ANTXR2: variants seen among roughly 807,000 people sequenced by gnomAD.
ANTXR2 encodes the protein ANTXR cell adhesion molecule 2.
Under a neutral mutation model 73.7 loss-of-function variants are expected in ANTXR2, and 44 were observed. That is an observed-to-expected ratio of 0.60 (90% CI 0.47 to 0.77). ANTXR2 has a LOEUF of 0.77. ANTXR2 is among the 30% of genes least tolerant of loss of function. The probability of loss-of-function intolerance (pLI) is 0.00; values close to 1 mark genes in which losing one functional copy is unlikely to be tolerated. For synonymous variants in ANTXR2, 217 were observed against 205.9 expected, an observed-to-expected ratio of 1.05 and a Z score of -0.46; for missense variants, 604 against 592.5, an observed-to-expected ratio of 1.02 and a Z score of -0.20.
chr4:80,066,911 CT>C (rs1734523816), intron 3 of ANTXR2, among the ~76,000 whole-genome samples: 1 of 152,174 alleles, frequency 6.6e-6, no homozygotes, highest in Non-Finnish European at 1.5e-5. Context: ...AGAAAGGCCT[CT>C]TCTGGTGAGG....
Position 79,903,566 on chromosome 4 carries a change from A to C in ANTXR2, c.*3863T>G, listed in dbSNP as rs1395998157. The C allele has an allele frequency of 6.6e-6, 1 of 152,144 alleles. No individual in the cohort carries two copies. The highest frequency in any genetic ancestry group is 1.5e-5 in the Non-Finnish European group (1 of 68,024). 9.4% of individuals were successfully genotyped at this position (152,144 alleles called of 1,614,324 possible). A position where few individuals can be genotyped will look rare whatever the true frequency, so the allele number is the denominator to read the frequency against. ...ATTATGGATTTTCAAAAACAACAAC[A>C]AAAAAGTCTTTCTTTTATCCGATCG... On this transcript the variant is annotated 3_prime_UTR_variant, in exon 17 of 17. Coordinates refer to ENST00000403729, the MANE Select transcript of ANTXR2 (RefSeq NM_058172.6).
chr4:80,041,507 G>T (rs1286510557), intron 7 of ANTXR2, among the ~76,000 whole-genome samples: 2 of 151,788 alleles, frequency 1.3e-5, no homozygotes, highest in Non-Finnish European at 2.9e-5. Context: ...AGGATGTTCA[G>T]ATTTGTTACA....
At chr4:80,046,621 T>C (rs1278519679) in intron 7 of ANTXR2, among the ~76,000 whole-genome samples, 1 of 151,828 alleles carries the variant, frequency 6.6e-6, no homozygotes, top group African/African-American at 2.4e-5. Context: ...CAAGCAGTCT[T>C]AGTCTATATT....
At position 80,007,389 on chromosome 4, in the gene ANTXR2, TA is replaced by T. The variant is rs1398979306; in HGVS notation, c.1041+1131del. ...GGCATGATTTGGAAGAGGGCTTCCT[TA>T]AGATAATTTTTTTTCTATGAAACCT... On this transcript the variant is annotated intron_variant, in intron 12 of 16. Coordinates refer to ENST00000403729, the MANE Select transcript of ANTXR2 (RefSeq NM_058172.6). 3.9e-5 allele frequency among the ~76,000 whole-genome samples: 6 copies of T among 152,276 alleles called. No individual in the cohort carries two copies. The East Asian group carries it at 1.2e-3, about 29-fold the overall frequency.
chr4:80,024,402 T>C (rs1561007149), intron 10 of ANTXR2, among the ~76,000 whole-genome samples: 1 of 152,120 alleles, frequency 6.6e-6, no homozygotes, highest in Non-Finnish European at 1.5e-5. Context: ...TTGGAGCTCA[T>C]CAGGAAGAAA....
intron 11 of ANTXR2, among the ~76,000 whole-genome samples, chr4:80,011,756 G>A (rs1179078880): frequency 1.3e-5 from 2 of 152,158 alleles, no homozygotes; most frequent in African/African-American, 4.8e-5. Context: ...AAATGAAACT[G>A]TTTTTCTTTC....
intron 12 of ANTXR2, among the ~76,000 whole-genome samples, chr4:79,994,051 C>G (rs779750138): frequency 5.3e-5 from 8 of 151,924 alleles, no homozygotes; most frequent in Admixed American, 1.3e-4. Context: ...AAAGGAGATG[C>G]ATCTCCATCT....
chr4:80,010,858 T>G (rs1276209746), intron 11 of ANTXR2, among the ~76,000 whole-genome samples: 1 of 152,000 alleles, frequency 6.6e-6, no homozygotes, highest in East Asian at 1.9e-4. Flanking sequence ...CTTAAAAAAA[T>G]TAAAAATGGC....
At chr4:80,021,680 T>C (rs1732171341) in intron 10 of ANTXR2, among the ~76,000 whole-genome samples, 1 of 152,134 alleles carries the variant, frequency 6.6e-6, no homozygotes, top group Non-Finnish European at 1.5e-5. Context: ...TTTCCTATGG[T>C]AGAAATGCAT....
chr4:79,989,717 G>A (rs1363022831), intron 12 of ANTXR2, among the ~76,000 whole-genome samples: 1 of 151,956 alleles, frequency 6.6e-6, no homozygotes, highest in Non-Finnish European at 1.5e-5. Context: ...GATGAACATA[G>A]ACCCAAAAAT....
intron 16 of ANTXR2, among the ~76,000 whole-genome samples, chr4:79,914,184 A>G (rs1160985986): frequency 6.6e-6 from 1 of 152,110 alleles, no homozygotes; most frequent in Non-Finnish European, 1.5e-5. Flanking sequence ...GAGCTAGGAA[A>G]AAGTTTGTCA....
chr4:79,988,471 C>T (rs1730304445), intron 12 of ANTXR2, among the ~76,000 whole-genome samples: 2 of 151,716 alleles, frequency 1.3e-5, no homozygotes, highest in Admixed American at 6.6e-5. Context: ...TACATACACT[C>T]CCAAATTGGA....
At chr4:79,962,748 C>G (rs1729192269) in intron 16 of ANTXR2, among the ~76,000 whole-genome samples, 1 of 152,144 alleles carries the variant, frequency 6.6e-6, no homozygotes, top group Admixed American at 6.5e-5. Context: ...CCCCTAAAAT[C>G]TGTTACAAAG....
chr4:80,071,545 C>T, intron 2 of ANTXR2, 38 bp downstream of exon 2: 2 of 1,538,446 alleles, frequency 1.3e-6, no homozygotes, highest in Non-Finnish European at 1.8e-6. Context: ...CTTTGCTCTA[C>T]TTCTCCACTG....
chr4:80,054,563 T>C (rs1010046384), intron 6 of ANTXR2, among the ~76,000 whole-genome samples: 3 of 150,452 alleles, frequency 2.0e-5, no homozygotes, highest in African/African-American at 7.3e-5. Flanking sequence ...TCAGTCAGAG[T>C]ACCTTTAAGT....
At chr4:79,951,197 T>C (rs909512273) in intron 16 of ANTXR2, among the ~76,000 whole-genome samples, 1 of 152,200 alleles carries the variant, frequency 6.6e-6, no homozygotes, top group East Asian at 1.9e-4. Flanking sequence ...CACAGATTTA[T>C]TTAAAATTTT....
At chr4:80,068,034 G>A (rs1734590187) in intron 3 of ANTXR2, among the ~76,000 whole-genome samples, 1 of 152,068 alleles carries the variant, frequency 6.6e-6, no homozygotes. Flanking sequence ...AGTATCAATG[G>A]GAAGACAAGA....
At chr4:80,036,933 C>G (rs1391900045) in intron 7 of ANTXR2, among the ~76,000 whole-genome samples, 1 of 152,144 alleles carries the variant, frequency 6.6e-6, no homozygotes, top group African/African-American at 2.4e-5. Flanking sequence ...AACATAGACT[C>G]CTTATATGAG....
At chr4:80,021,698 T>C (rs1732172115) in intron 10 of ANTXR2, among the ~76,000 whole-genome samples, 1 of 152,142 alleles carries the variant, frequency 6.6e-6, no homozygotes, top group African/African-American at 2.4e-5. Context: ...CATGCTGATA[T>C]GATCTTGTAA....
Sources: gnomAD v4.1 joint callset for allele counts (sites outside exome capture counted in the v4.1 genomes callset) on GRCh38, gnomAD v4.1.1 for gene constraint, MANE v1.5 for transcripts, NCBI Gene and HGNC (gene_info 2026-07-23, HGNC 2026-07-21) for gene names.